TPM4: variants seen among roughly 807,000 people sequenced by gnomAD.
TPM4 encodes tropomyosin 4, also known as tropomyosin alpha-4 chain.
A neutral mutation model predicts 35.8 loss-of-function variants in TPM4; 17 were observed. That is an observed-to-expected ratio of 0.47 (90% CI 0.32 to 0.71). TPM4 has a LOEUF of 0.71. Among genes scored for constraint, TPM4 ranks in the 30% least tolerant of loss-of-function variants. The pLI, the probability that TPM4 is intolerant of heterozygous loss-of-function variation, is 0.03. For synonymous variants in TPM4, 120 were observed against 122.9 expected, an observed-to-expected ratio of 0.98 and a Z score of 0.15; for missense variants, 240 against 320.9, an observed-to-expected ratio of 0.75 and a Z score of 1.93.
chr19:16,082,073 TC>T (rs1458186820), intron 2 of TPM4, 27 bp downstream of exon 2: 13 of 1,584,446 alleles, frequency 8.2e-6, no homozygotes, highest in Non-Finnish European at 1.1e-5. Flanking sequence ...TCTGGTGGCA[TC>T]CGTGTTTGCT....
chr19:16,090,597 A>C (rs2090614813), intron 5 of TPM4, among the ~76,000 whole-genome samples: 2 of 152,122 alleles, frequency 1.3e-5, no homozygotes, highest in Non-Finnish European at 2.9e-5. Context: ...CACTTCTGAG[A>C]GTCCTTCTCT....
intron 2 of TPM4, among the ~76,000 whole-genome samples, chr19:16,082,902 GGAT>G (rs2090501258): frequency 6.6e-6 from 1 of 150,414 alleles, no homozygotes; most frequent in Non-Finnish European, 1.5e-5. Flanking sequence ...TGAGGTGGGA[GGAT>G]CACTTGACCC....
Position 16,067,741 on chromosome 19 carries a change from G to C in TPM4, c.114+3G>C. On this transcript the variant is annotated splice_donor_region_variant and intron_variant, in intron 2 of 2. Transcript: ENST00000589897. The surrounding 1 kb of genome is among the most constrained non-coding windows in gnomAD (Gnocchi z 4.1). The stretch of plus-strand genomic sequence containing the variant: ...CCGCTGAGGACAAGTGCAAGCAGGT[G>C]AGGTGCCCTCCGCTGGGCCGCTCCG... 6.2e-7 allele frequency: 1 copy of C among 1,611,312 alleles called. No homozygotes were observed.
At chr19:16,088,915 C>A (rs1482123414) in intron 4 of TPM4, 130 bp from the exon 5 acceptor site, 1 of 1,498,758 alleles carries the variant, frequency 6.7e-7, no homozygotes, top group Non-Finnish European at 8.9e-7. Flanking sequence ...ATTTTCTCCC[C>A]ACATTCCTTC....
In TPM4 at chr19:16,070,765, C is replaced by T; in HGVS notation, c.114+3027C>T. ...TGGGCCTCCCCAGCCCCCCGTGCCC[C>T]AGGGCTGCCCTAAGAGTATGTGGCA... On this transcript the variant is annotated intron_variant, in intron 2 of 2. Transcript: ENST00000589897. This position sits in a 1 kb window ranked among gnomAD's most constrained non-coding sequence, Gnocchi z 7.4. Among the ~76,000 whole-genome samples the T allele has an allele frequency of 6.6e-6, 1 of 152,142 alleles. No individual in the cohort carries two copies. The highest frequency in any genetic ancestry group is 1.5e-5 in the Non-Finnish European group (1 of 67,996).
chr19:16,078,758 A>T (rs2090443664), intron 1 of TPM4, among the ~76,000 whole-genome samples: 1 of 151,826 alleles, frequency 6.6e-6, no homozygotes, highest in African/African-American at 2.4e-5. Context: ...TGAAAAAGCA[A>T]AGGATGCTTC....
intron 7 of TPM4, among the ~76,000 whole-genome samples, chr19:16,099,070 CTGTG>C (rs3222768): frequency 0.24 from 26,128 of 109,612 alleles, 2,906 homozygotes; most frequent in East Asian, 0.51. Context: ...TCACTTGACT[CTGTG>C]TGTGTGTGTG....
At chr19:16,075,318 C>T (rs1568298804), upstream of TPM4, 1 of 152,058 alleles carries the variant, frequency 6.6e-6, no homozygotes, top group Non-Finnish European at 1.5e-5. Context: ...TTGGGATAAA[C>T]AGAGGACTGA....
chr19:16,089,440 G>T (rs542578956), intron 5 of TPM4, among the ~76,000 whole-genome samples: 8 of 152,234 alleles, frequency 5.3e-5, no homozygotes, highest in African/African-American at 1.7e-4. Flanking sequence ...GATTCCCCTG[G>T]TTCCTCCAGA....
chr19:16,089,653 C>A (rs1266332145), intron 5 of TPM4, among the ~76,000 whole-genome samples: 3 of 149,154 alleles, frequency 2.0e-5, no homozygotes, highest in Non-Finnish European at 4.4e-5. Flanking sequence ...GTTCTCCCAT[C>A]ACCTCCACCC....
rs1479994569 is a variant in TPM4, at chr19:16,070,568, G to T, written c.114+2830G>T. ...GTTTGAGTCATGGCTCAGTCGCTAG[G>T]TGTCCCGGACGCCTGCATGAGTGAG... is the stretch of plus-strand genomic sequence containing the variant. On this transcript the variant is annotated intron_variant, in intron 2 of 2. Transcript: ENST00000589897. The surrounding 1 kb of genome is among the most constrained non-coding windows in gnomAD (Gnocchi z 7.4). 6.6e-6 allele frequency among the ~76,000 whole-genome samples: 1 copy of T among 152,186 alleles called. No homozygotes were observed. The highest frequency in any genetic ancestry group is 1.5e-5 in the Non-Finnish European group (1 of 68,032).
rs377361227 is a variant in TPM4, at chr19:16,086,394, G to A, written c.267-29G>A. The A allele has an allele frequency of 1.2e-5, 19 of 1,594,400 alleles. No individual in the cohort carries two copies. The East Asian group carries it at 2.2e-4, about 19-fold the overall frequency. ...GGTGGGTGGAGGGGTGTGAGTGAAC[G>A]GCCGTCCTGATGAGATTGCTCCTTG... On this transcript the variant is annotated intron_variant, in intron 2 of 7. Coordinates refer to ENST00000643579, the MANE Select transcript of TPM4 (RefSeq NM_003290.3).
At chr19:16,078,017 CCCACCTTGG>C in intron 1 of TPM4, 1 of 394,738 alleles carries the variant, frequency 2.5e-6, no homozygotes, top group Non-Finnish European at 4.5e-6. Context: ...TCGTGATCTG[CCCACCTTGG>C]CCTCCCAAAG....
In TPM4 at chr19:16,067,768, G is replaced by A. The variant is rs759099181; in HGVS notation, c.114+30G>A. On this transcript the variant is annotated intron_variant, in intron 2 of 2. Coordinates refer to the TPM4 transcript ENST00000589897. The surrounding 1 kb of genome is among the most constrained non-coding windows in gnomAD (Gnocchi z 4.1). ...GGTGCCCTCCGCTGGGCCGCTCCGG[G>A]CTGCTGGGAGTCCTCTCTGTGCGGA... 13 of 1,600,944 alleles carry A rather than the reference G, an allele frequency of 8.1e-6. No homozygotes were observed. The highest frequency in any genetic ancestry group is 1.1e-5 in the Non-Finnish European group (13 of 1,174,722).
intron 7 of TPM4, chr19:16,099,650 CTGA>C (rs1302882699): frequency 6.6e-6 from 1 of 152,108 alleles, no homozygotes; most frequent in African/African-American, 2.4e-5. Flanking sequence ...AATTTCCAGG[CTGA>C]TGATATCACA....
chr19:16,076,750 C>G, intron 1 of TPM4, 53 bp downstream of exon 1: 1 of 1,282,026 alleles, frequency 7.8e-7, no homozygotes, highest in Non-Finnish European at 9.9e-7. Context: ...CCCGCGCGCC[C>G]TCCTTTCTTC....
chr19:16,073,938 TAAAAAA>T (rs71178637), upstream of TPM4, among the ~76,000 whole-genome samples: 29 of 35,666 alleles, frequency 8.1e-4, no homozygotes, highest in Admixed American at 2.3e-3. Context: ...GAAGACCATG[TAAAAAA>T]AAAAAAAAAA....
intron 4 of TPM4, chr19:16,088,786 C>A: frequency 8.1e-7 from 1 of 1,229,496 alleles, no homozygotes; most frequent in Admixed American, 3.7e-5. Context: ...TTACCCTTGG[C>A]AAAAGACCAG....
Position 16,076,578 on chromosome 19 carries a change from A to G in TPM4, c.13A>G (p.Asn5Asp). The G allele has an allele frequency of 6.8e-7, 1 of 1,465,654 alleles. No homozygotes were observed. The highest frequency in any genetic ancestry group is 1.3e-5 in the South Asian group (1 of 77,674). 90.8% of individuals were successfully genotyped at this position (1,465,654 alleles called of 1,614,324 possible). A position where few individuals can be genotyped will look rare whatever the true frequency, so the allele number is the denominator to read the frequency against. MAGL[N>D]SLEAVKRKIQ... The stretch of plus-strand genomic sequence containing the variant: ...GCGCCTCCGCGCCATGGCCGGCCTC[A>G]ACTCCCTGGAGGCGGTGAAACGCAA... The change falls in exon 1 of 8, where the codon AAC (asparagine) becomes GAC (aspartate). Residue 5 changes from asparagine to aspartate, a missense_variant. Physicochemically the swap from Asn to Asp is conservative, Grantham distance 23. Coordinates refer to ENST00000643579, the MANE Select transcript of TPM4 (RefSeq NM_003290.3).
Sources: allele counts gnomAD v4.1 joint callset (sites outside exome capture counted in the v4.1 genomes callset), GRCh38; gene constraint gnomAD v4.1.1; non-coding constraint Gnocchi (gnomAD v3.1); transcripts MANE v1.5; gene names NCBI Gene and HGNC (gene_info 2026-07-23, HGNC 2026-07-21).